The following FHIT variants were observed in gnomAD, a reference collection of about 807,000 sequenced individuals.
FHIT encodes fragile histidine triad diadenosine triphosphatase.
FHIT carries 19 observed loss-of-function variants against 17.9 expected under a neutral mutation model. The observed-to-expected ratio is 1.06, with a 90% CI of 0.74 to 1.56. The LOEUF (loss-of-function observed/expected upper bound fraction) is 1.56. FHIT is among the 40% of genes most tolerant of loss of function. The pLI, the probability that FHIT is intolerant of heterozygous loss-of-function variation, is 0.00. For synonymous variants in FHIT, 81 were observed against 69.7 expected (o/e 1.16, Z -0.81); for missense variants, 248 against 189.2 (o/e 1.31, Z -1.82).
chr3:60,072,323 T>G (rs904219053), intron 5 of FHIT, among the ~76,000 whole-genome samples: 5 of 152,214 alleles, frequency 3.3e-5, no homozygotes, highest in African/African-American at 1.2e-4. Flanking sequence ...TTGGTGCTAA[T>G]GTTAAGAACA....
chr3:60,732,559 T>G, intron 4 of FHIT: 1 of 632,638 alleles, frequency 1.6e-6, no homozygotes, highest in Non-Finnish European at 3.1e-6. Context: ...GAACCTCGTC[T>G]GCAAACAGCT....
At chr3:60,653,982 T>A (rs1407808264) in intron 4 of FHIT, among the ~76,000 whole-genome samples, 1 of 152,296 alleles carries the variant, frequency 6.6e-6, no homozygotes, top group East Asian at 1.9e-4. Context: ...CATAAATGGC[T>A]TGGGCTATTT....
chr3:60,552,637 A>C (rs115099006), intron 4 of FHIT, among the ~76,000 whole-genome samples: 2 of 152,072 alleles, frequency 1.3e-5, no homozygotes, highest in African/African-American at 2.4e-5. Context: ...TTCATTGCCA[A>C]CTTGGTAAGT....
chr3:60,843,919 C>T (rs183701115), intron 3 of FHIT, among the ~76,000 whole-genome samples: 3 of 152,160 alleles, frequency 2.0e-5, no homozygotes, highest in Admixed American at 1.3e-4. Context: ...TACCTCAATC[C>T]TGACACTCTA....
At chr3:60,622,834 T>C (rs1005017661) in intron 4 of FHIT, among the ~76,000 whole-genome samples, 21 of 152,204 alleles carry the variant, frequency 1.4e-4, no homozygotes, top group African/African-American at 5.1e-4. Flanking sequence ...TTGTCCTTCA[T>C]CAGTAGTTTC....
intron 5 of FHIT, among the ~76,000 whole-genome samples, chr3:60,425,128 A>G (rs1702615679): frequency 6.6e-6 from 1 of 152,020 alleles, no homozygotes; most frequent in Admixed American, 6.6e-5. Context: ...ACACATCCCT[A>G]TCAGGAACCC....
At chr3:60,204,014 G>A (rs867419943) in intron 5 of FHIT, among the ~76,000 whole-genome samples, 20 of 152,070 alleles carry the variant, frequency 1.3e-4, no homozygotes, top group African/African-American at 4.8e-4. Context: ...AAGAGCTAGT[G>A]TTTGATAGCA....
intron 5 of FHIT, among the ~76,000 whole-genome samples, chr3:60,156,612 C>T (rs975342717): frequency 3.6e-4 from 55 of 151,458 alleles, no homozygotes; most frequent in African/African-American, 1.3e-3. Flanking sequence ...ATTAGCCGGC[C>T]ATAATGGTGA....
intron 3 of FHIT, among the ~76,000 whole-genome samples, chr3:60,847,419 T>A (rs1702966005): frequency 6.6e-6 from 1 of 151,914 alleles, no homozygotes; most frequent in Non-Finnish European, 1.5e-5. Context: ...ACAGAAGCAC[T>A]TCTTTATGCT....
At chr3:60,158,414 C>T (rs1180135420) in intron 5 of FHIT, among the ~76,000 whole-genome samples, 1 of 151,980 alleles carries the variant, frequency 6.6e-6, no homozygotes, top group Admixed American at 6.6e-5. Context: ...AGGGTTCAAA[C>T]AATTCTCCTG....
rs1703647316 is a variant in FHIT at position 60,860,361 on chromosome 3, C to CATACATCATATGTATACATGAG, written c.-110-38351_-110-38350insCTCATGTATACATATGATGTAT. ...TGAGATACATCATATGTATACATGA[C>CATACATCATATGTATACATGAG]ATACATCATATGTATACATGACATA... On this transcript the variant is annotated intron_variant, in intron 3 of 9. Coordinates refer to ENST00000492590, the MANE Select transcript of FHIT (RefSeq NM_002012.4). 4.0e-4 allele frequency among the ~76,000 whole-genome samples: 25 copies of CATACATCATATGTATACATGAG among 61,916 alleles called. 1 individual carries two copies. Among genetic ancestry groups the CATACATCATATGTATACATGAG allele is most frequent in the African/African-American group, 1.6e-3 (21 of 13,530 alleles). The allele number at this position is 61,916 out of a possible 152,430, so 40.6% of individuals were successfully genotyped here.
intron 3 of FHIT, among the ~76,000 whole-genome samples, chr3:60,850,183 A>G (rs1241830255): frequency 3.9e-5 from 6 of 152,054 alleles, no homozygotes; most frequent in Non-Finnish European, 8.8e-5. Context: ...CTCTTCAGAG[A>G]GGCCTTCGCT....
chr3:59,895,176 G>A (rs1704015631), intron 8 of FHIT, among the ~76,000 whole-genome samples: 1 of 152,090 alleles, frequency 6.6e-6, no homozygotes, highest in Admixed American at 6.5e-5. Flanking sequence ...CTGAATCTTC[G>A]GGTACAAAAT....
At chr3:60,926,989 G>A (rs375566222) in intron 3 of FHIT, among the ~76,000 whole-genome samples, 17 of 152,024 alleles carry the variant, frequency 1.1e-4, no homozygotes, top group South Asian at 4.2e-4. Context: ...TCCGTCTCCC[G>A]CTTTCCACGG....
intron 3 of FHIT, among the ~76,000 whole-genome samples, chr3:60,866,549 A>C (rs944352366): frequency 2.6e-5 from 4 of 152,210 alleles, no homozygotes; most frequent in Non-Finnish European, 4.4e-5. Context: ...TCAAGCCTTC[A>C]GATGACTATA....
At chr3:60,421,580 T>C (rs1702468169) in intron 5 of FHIT, among the ~76,000 whole-genome samples, 1 of 152,128 alleles carries the variant, frequency 6.6e-6, no homozygotes, top group South Asian at 2.1e-4. Flanking sequence ...CTATAAAGTA[T>C]TATTTTATTT....
At chr3:60,569,151 G>A (rs1248853675) in intron 4 of FHIT, among the ~76,000 whole-genome samples, 1 of 151,930 alleles carries the variant, frequency 6.6e-6, no homozygotes, top group Non-Finnish European at 1.5e-5. Context: ...ATTCAGTAAA[G>A]GTTTGACATA....
At chr3:59,852,786 C>G (rs1040352656) in intron 8 of FHIT, among the ~76,000 whole-genome samples, 2 of 152,164 alleles carry the variant, frequency 1.3e-5, no homozygotes, top group African/African-American at 4.8e-5. Context: ...CATGCAGCCT[C>G]TTTAGGTAGG....
chr3:60,051,756 T>C lies in FHIT; in HGVS notation c.104-37604A>G, dbSNP rs115635081. On this transcript the variant is annotated intron_variant, in intron 5 of 9. Transcript: ENST00000492590. ...CTAAGCTGCCAAGTCCCCAAGGCTG[T>C]AACAGTGTATACAGGATTCTACTTG... Among the ~76,000 whole-genome samples the C allele has an allele frequency of 1.9e-3, 289 of 152,254 alleles. 2 individuals are homozygous for C. The highest frequency in any genetic ancestry group is 6.8e-3 in the African/African-American group (281 of 41,546).
Sources: gnomAD v4.1 joint callset for allele counts (sites outside exome capture counted in the v4.1 genomes callset) on GRCh38, gnomAD v4.1.1 for gene constraint, MANE v1.5 for transcripts, NCBI Gene and HGNC (gene_info 2026-07-23, HGNC 2026-07-21) for gene names.